CPED1: variants seen among roughly 807,000 people sequenced by gnomAD.
CPED1 encodes the protein cadherin like and PC-esterase domain containing 1.
In CPED1, 114 loss-of-function variants were observed where a neutral mutation model predicts 128.2. That is an observed-to-expected ratio of 0.89 (90% CI 0.76 to 1.04). The LOEUF is 1.04. CPED1 is among the 50% of genes least tolerant of loss of function. The pLI is 0.00. For missense variants in CPED1, 1,211 were observed against 1,207.1 expected (o/e 1.00, Z -0.05); for synonymous variants, 462 against 426.7 (o/e 1.08, Z -1.02).
intron 16 of CPED1, among the ~76,000 whole-genome samples, chr7:121,227,652 C>G (rs1798045431): frequency 6.6e-6 from 1 of 152,008 alleles, no homozygotes; most frequent in South Asian, 2.1e-4. Flanking sequence ...GTGAGATGAA[C>G]CTCCATTTAA....
chr7:121,064,430 C>G, intron 5 of CPED1, 117 bp downstream of exon 5: 1 of 690,896 alleles, frequency 1.4e-6, no homozygotes, highest in Non-Finnish European at 2.5e-6. Flanking sequence ...ATCAATTCGG[C>G]AATCACAGAT....
intron 21 of CPED1, among the ~76,000 whole-genome samples, chr7:121,270,407 T>C (rs1012159960): frequency 6.6e-5 from 10 of 152,156 alleles, no homozygotes; most frequent in Non-Finnish European, 1.2e-4. Context: ...CACTTATCAA[T>C]TTTTGGTTTT....
At chr7:121,217,394 G>T (rs987249306) in intron 16 of CPED1, among the ~76,000 whole-genome samples, 1 of 152,010 alleles carries the variant, frequency 6.6e-6, no homozygotes, top group African/African-American at 2.4e-5. Flanking sequence ...CATCTAGACA[G>T]CTCCATGTAA....
chr7:121,253,752 A>G (rs1446176301), intron 18 of CPED1, among the ~76,000 whole-genome samples: 1 of 152,140 alleles, frequency 6.6e-6, no homozygotes, highest in Non-Finnish European at 1.5e-5. Context: ...TACAAACAAA[A>G]AAGAGCAGGA....
intron 5 of CPED1, among the ~76,000 whole-genome samples, chr7:121,068,245 T>C (rs1297569227): frequency 6.6e-6 from 1 of 152,238 alleles, no homozygotes. Flanking sequence ...TTTATGGTTT[T>C]AGGTCTAACA....
At chr7:121,160,024 T>C (rs547819785) in intron 16 of CPED1, among the ~76,000 whole-genome samples, 1 of 152,358 alleles carries the variant, frequency 6.6e-6, no homozygotes, top group Admixed American at 6.5e-5. Flanking sequence ...TTTAGCTTTG[T>C]GTTTTGAAAT....
intron 16 of CPED1, among the ~76,000 whole-genome samples, chr7:121,158,016 A>G (rs1796330470): frequency 6.6e-6 from 1 of 152,174 alleles, no homozygotes; most frequent in Admixed American, 6.5e-5. Context: ...TTTTTTGATG[A>G]AAGGGATGCA....
At chr7:121,247,077 C>T (rs1363301150) in intron 18 of CPED1, among the ~76,000 whole-genome samples, 4 of 152,086 alleles carry the variant, frequency 2.6e-5, no homozygotes, top group Admixed American at 6.6e-5. Flanking sequence ...AAGGCCATGC[C>T]GCAGCAGCAT....
rs748266981 is a variant in CPED1, at chr7:121,064,356, T to C, written c.616+43T>C. 2.3e-5 allele frequency: 32 copies of C among 1,362,958 alleles called. No individual in the cohort carries two copies. The East Asian group carries it at 6.6e-4, about 28-fold the overall frequency. 84.4% of individuals were successfully genotyped at this position (1,362,958 alleles called of 1,614,324 possible). A position where few individuals can be genotyped will look rare whatever the true frequency, so the allele number is the denominator to read the frequency against. On this transcript the variant is annotated intron_variant, in intron 5 of 22. Transcript: ENST00000310396. ...TCCTTAGGCTTAAACATGTGAGATA[T>C]GCAGGCTCCCTTAGCAGAAGCAGCT...
chr7:121,006,186 G>A (rs1792009473), intron 2 of CPED1, among the ~76,000 whole-genome samples: 1 of 152,108 alleles, frequency 6.6e-6, no homozygotes, highest in Admixed American at 6.6e-5. Context: ...TTAACTTGTT[G>A]TTTTGGCATC....
intron 4 of CPED1, among the ~76,000 whole-genome samples, chr7:121,047,853 T>C (rs1286808070): frequency 6.6e-6 from 1 of 151,548 alleles, no homozygotes; most frequent in Non-Finnish European, 1.5e-5. Flanking sequence ...CGGGCGCCCG[T>C]AGTCCCACGC....
In CPED1 at chr7:121,241,205, G is replaced by T. The variant is rs544327882; in HGVS notation, c.2174-2997G>T. Among the ~76,000 whole-genome samples the T allele has an allele frequency of 1.4e-3, 136 of 98,600 alleles. 26 individuals carry two copies. The highest frequency in any genetic ancestry group is 4.8e-3 in the African/African-American group (118 of 24,538). The allele number at this position is 98,600 out of a possible 152,430, so 64.7% of individuals were successfully genotyped here. On this transcript the variant is annotated intron_variant, in intron 17 of 22. Coordinates refer to ENST00000310396, the MANE Select transcript of CPED1 (RefSeq NM_024913.5). ...AAAAATACAAAAAAAAAAATTAGCC[G>T]GGCGTAGTGGCGGGCGCCTGTAGTC...
intron 9 of CPED1, among the ~76,000 whole-genome samples, chr7:121,126,301 TA>T (rs967891215): frequency 6.6e-6 from 1 of 152,242 alleles, no homozygotes; most frequent in African/African-American, 2.4e-5. Flanking sequence ...ATATTTAGTT[TA>T]AAAAAACCAT....
intron 16 of CPED1, among the ~76,000 whole-genome samples, chr7:121,172,561 A>G (rs983240094): frequency 4.6e-5 from 7 of 152,118 alleles, no homozygotes; most frequent in Non-Finnish European, 8.8e-5. Flanking sequence ...ATTTTGATTT[A>G]TGTGTCTGCC....
chr7:121,163,989 T>C (rs1191181984), intron 16 of CPED1, among the ~76,000 whole-genome samples: 1 of 152,226 alleles, frequency 6.6e-6, no homozygotes, highest in African/African-American at 2.4e-5. Context: ...CTCAATAATC[T>C]AAACATTTTA....
intron 7 of CPED1, among the ~76,000 whole-genome samples, chr7:121,112,050 T>C (rs1255982761): frequency 1.3e-5 from 2 of 152,174 alleles, no homozygotes; most frequent in African/African-American, 4.8e-5. Flanking sequence ...TGGGATGACT[T>C]GGCCATGTGC....
intron 7 of CPED1, among the ~76,000 whole-genome samples, chr7:121,116,952 CT>C (rs2116284627): frequency 1.2e-5 from 1 of 80,062 alleles, no homozygotes; most frequent in African/African-American, 4.1e-5. Context: ...CTCTCTCTCT[CT>C]CTCTCTCTCT....
At chr7:120,999,368 C>T (rs1391191860) in intron 2 of CPED1, among the ~76,000 whole-genome samples, 1 of 152,062 alleles carries the variant, frequency 6.6e-6, no homozygotes, top group Non-Finnish European at 1.5e-5. Flanking sequence ...TCATTGAAGT[C>T]CTTAGCCTAT....
At chr7:121,117,100 AAT>A (rs1240255721) in intron 7 of CPED1, among the ~76,000 whole-genome samples, 4 of 70,638 alleles carry the variant, frequency 5.7e-5, no homozygotes. Context: ...TATATATATA[AAT>A]ATATATATAT....
Sources: gnomAD v4.1 joint callset for allele counts (sites outside exome capture counted in the v4.1 genomes callset) on GRCh38, gnomAD v4.1.1 for gene constraint, MANE v1.5 for transcripts, NCBI Gene and HGNC (gene_info 2026-07-23, HGNC 2026-07-21) for gene names.